MYO15A: variants seen among roughly 807,000 people sequenced by gnomAD.
MYO15A encodes the protein unconventional myosin-XV.
In MYO15A, 308 loss-of-function variants were observed where a neutral mutation model predicts 394.6. The observed-to-expected ratio is 0.78, with a 90% confidence interval of 0.71 to 0.86. The LOEUF (loss-of-function observed/expected upper bound fraction) is 0.86, where lower values mean the gene tolerates loss of function less well. Ranked by LOEUF, MYO15A falls within the 40% of genes least tolerant of loss-of-function variation. The pLI is 0.00. For missense variants in MYO15A, 4,606 were observed against 4,799.1 expected (o/e 0.96, Z 1.19); for synonymous variants, 1,957 against 2,003.8 (o/e 0.98, Z 0.62).
chr17:18,172,167 C>T lies in MYO15A; in HGVS notation c.10227C>T (p.Ser3409=), dbSNP rs199520412. The T allele has an allele frequency of 7.6e-5, 123 of 1,614,186 alleles. No individual in the cohort carries two copies. The Admixed American group carries it at 1.8e-3, about 24-fold the overall frequency. Residue 3409 remains serine (S), a synonymous_variant, in exon 64 of 66, where the codon AGC becomes AGT. Transcript: ENST00000647165. ...CCTCTCCCTGCCCAGGCCTCCTCAG[C>T]GCCTTACCTATGTTCGGCTCCTCCT... ...QARAQFLGLL[S]ALPMFGSSFF...
At position 18,132,599 on chromosome 17, in the gene MYO15A, C is replaced by T. The variant is rs775805425; in HGVS notation, c.4320+33C>T. On this transcript the variant is annotated intron_variant, in intron 11 of 65. Transcript: ENST00000647165. The surrounding 1 kb of genome is among the most constrained non-coding windows in gnomAD (Gnocchi z 4.6). Reference sequence around the variant, plus strand: ...CCAGCAGGCATCTGAAGGCCCCTGGCCCTGGTCCTCCCACCCCGACGCCCC... The same window carrying T: ...CCAGCAGGCATCTGAAGGCCCCTGGTCCTGGTCCTCCCACCCCGACGCCCC... The T allele has an allele frequency of 3.8e-6, 6 of 1,566,278 alleles. No individual in the cohort carries two copies. In the African/African-American group the frequency reaches 5.4e-5, roughly 14 times the overall value.
chr17:18,156,452 T>G, intron 48 of MYO15A, 116 bp downstream of exon 48: 27 of 1,167,200 alleles, frequency 2.3e-5, no homozygotes, highest in African/African-American at 3.0e-5. Flanking sequence ...TTAAGGCCTT[T>G]GCACTGGCTG....
Position 18,122,423 on chromosome 17 carries a change from G to C in MYO15A, c.3609+14G>C. 6.2e-7 allele frequency: 1 copy of C among 1,609,958 alleles called. No individual in the cohort carries two copies. Among genetic ancestry groups the C allele is most frequent in the Non-Finnish European group, 8.5e-7 (1 of 1,178,808 alleles). ...TGGCGGAACAAGGTATGGAGGCACAGATTACACGGAGGGTTTGAGGGTTCT... is the reference window on the plus strand; with the variant it reads ...TGGCGGAACAAGGTATGGAGGCACACATTACACGGAGGGTTTGAGGGTTCT... On this transcript the variant is annotated intron_variant, in intron 2 of 65. Transcript: ENST00000647165.
intron 23 of MYO15A, 57 bp from the exon 24 acceptor site, chr17:18,142,022 G>A (rs2046391162): frequency 1.9e-6 from 3 of 1,594,246 alleles, no homozygotes; most frequent in African/African-American, 1.3e-5. Context: ...AGAGGGAGGG[G>A]CCCTTAGTCC....
rs752930251 is a variant in MYO15A, at chr17:18,159,653, C to T, written c.9277C>T (p.Leu3093=). ...GDAPLKGQSD[L]DVLCNLLKLC... ...TGCCCCACTGAAGGGCCAGAGTGAC[C>T]TGGACGTGCTTTGTAACCTCCTGAA... Residue 3093 remains leucine (L), a synonymous_variant, in exon 55 of 66, where the codon CTG becomes TTG. Transcript: ENST00000647165. 1 of 1,614,138 alleles carries T rather than the reference C, an allele frequency of 6.2e-7. No homozygotes were observed. Among genetic ancestry groups the T allele is most frequent in the Non-Finnish European group, 8.5e-7 (1 of 1,180,018 alleles).
In MYO15A at chr17:18,159,266, C is replaced by T. The variant is rs886052682; in HGVS notation, c.9157-9C>T. 6.2e-7 allele frequency: 1 copy of T among 1,614,036 alleles called. No individual in the cohort carries two copies. Among genetic ancestry groups the T allele is most frequent in the African/African-American group, 1.3e-5 (1 of 75,024 alleles). On this transcript the variant is annotated splice_polypyrimidine_tract_variant and intron_variant, in intron 53 of 65. Coordinates refer to ENST00000647165, the MANE Select transcript of MYO15A (RefSeq NM_016239.4). The stretch of plus-strand genomic sequence containing the variant: ...TCCTCCATCATGACACAGCCCTCTT[C>T]CCCCACAGACTCCCCTCCAGGAATC...
intron 47 of MYO15A, 32 bp downstream of exon 47, chr17:18,155,464 G>T: frequency 6.3e-7 from 1 of 1,575,764 alleles, no homozygotes; most frequent in South Asian, 1.1e-5. Flanking sequence ...GGGCTGGCTG[G>T]AGACTGGGAT....
rs754334413 is a variant in MYO15A at position 18,155,182 on chromosome 17, G to A, written c.8297G>A (p.Arg2766Gln). Residue 2766 changes from arginine to glutamine, a missense_variant, in exon 46 of 66, where the codon CGA (arginine) becomes CAA (glutamine). Coordinates refer to ENST00000647165, the MANE Select transcript of MYO15A (RefSeq NM_016239.4). ...SVKRAVVSTA[R>Q]DTWEVYFSRI... ...AAGCGGGCCGTGGTCAGCACTGCAC[G>A]AGACACCTGGGAGGTCTACTTCTCC... 9.3e-6 allele frequency: 15 copies of A among 1,613,858 alleles called. No homozygotes were observed. The highest frequency in any genetic ancestry group is 8.9e-5 in the East Asian group (4 of 44,898).
Position 18,162,590 on chromosome 17 carries a change from G to T in MYO15A, c.9523G>T (p.Ala3175Ser), listed in dbSNP as rs367906164. 5.0e-6 allele frequency: 8 copies of T among 1,613,600 alleles called. No homozygotes were observed. The South Asian group carries it at 7.7e-5, about 16-fold the overall frequency. ...RTPGLPFQGIAKACEQNLQKT... is the reference protein window; with the variant it reads ...RTPGLPFQGISKACEQNLQKT... ...TGAACTCCCTGCTTCTGCAGGGATC[G>T]CCAAGGCCTGCGAGCAGAACCTGCA... Residue 3175 changes from alanine (A) to serine (S), a missense_variant, in exon 58 of 66, where the codon GCC (alanine) becomes TCC (serine). Ala to Ser is a moderately conservative substitution (Grantham distance 99). This residue lies in a region of MYO15A where 2,776 missense variants were observed against 3,109.3 expected (regional missense o/e 0.89). Transcript: ENST00000647165.
intron 64 of MYO15A, 49 bp downstream of exon 64, chr17:18,172,339 T>C (rs1214819081): frequency 6.2e-7 from 1 of 1,613,608 alleles, no homozygotes; most frequent in Non-Finnish European, 8.5e-7. Flanking sequence ...TGTTCCCTGG[T>C]CCCCAACCCC....
At chr17:18,125,274 G>A in intron 4 of MYO15A, 43 bp downstream of exon 4, 1 of 1,589,510 alleles carries the variant, frequency 6.3e-7, no homozygotes, top group South Asian at 1.1e-5. Flanking sequence ...AGGTCAGGAA[G>A]GCAGCTGCCT....
chr17:18,146,087 C>CT lies in MYO15A; in HGVS notation c.6491dup (p.Asn2165GlnfsTer10), dbSNP rs769792093. 3.1e-6 allele frequency: 5 copies of CT among 1,613,904 alleles called. No individual in the cohort carries two copies. In the African/African-American group the frequency reaches 5.3e-5, roughly 17 times the overall value. ...TCAGTGGCTTTGCACCTTCCCCGTG[C>CT]TTCAACAAGTACCTTCTCAAGTGAG... On this transcript the variant is annotated frameshift_variant, in exon 30 of 66. Transcript: ENST00000647165. LOFTEE classifies it high-confidence loss of function.
Position 18,154,732 on chromosome 17 carries a change from G to A in MYO15A, c.8201G>A (p.Arg2734Lys), listed in dbSNP as rs1335387936. Residue 2734 changes from arginine to lysine, a missense_variant, in exon 45 of 66, where the codon AGG (arginine) becomes AAG (lysine). Coordinates refer to ENST00000647165, the MANE Select transcript of MYO15A (RefSeq NM_016239.4). ...TGCCTTCGCATCTCTGAGGATGAGA[G>A]GCTCAGGATGAAGGCCTTGTTTGGT... ...EACLRISEDE[R>K]LRMKALFAQN... 2 of 1,613,796 alleles carry A rather than the reference G, an allele frequency of 1.2e-6. No homozygotes were observed. Among genetic ancestry groups the A allele is most frequent in the Admixed American group, 1.7e-5 (1 of 60,030 alleles).
intron 65 of MYO15A, chr17:18,177,114 T>A (rs1434515177): frequency 8.5e-5 from 13 of 152,302 alleles, no homozygotes; most frequent in Admixed American, 8.5e-4. Context: ...CTGGCCTGTA[T>A]GTGTCAGGGG....
intron 10 of MYO15A, among the ~76,000 whole-genome samples, chr17:18,131,878 G>A (rs943333456): frequency 1.1e-4 from 16 of 151,604 alleles, no homozygotes; most frequent in Admixed American, 5.3e-4. Flanking sequence ...ATTTAAAAAC[G>A]CAGCCCCTCT....
chr17:18,123,037 C>T (rs2045966752), intron 2 of MYO15A: 1 of 152,568 alleles, frequency 6.6e-6, no homozygotes, highest in Non-Finnish European at 1.5e-5. Flanking sequence ...GGTAGGCAGC[C>T]CTTCGGATGG....
intron 53 of MYO15A, 26 bp from the exon 54 acceptor site, chr17:18,159,249 C>T (rs555732957): frequency 1.2e-6 from 2 of 1,612,786 alleles, no homozygotes; most frequent in South Asian, 2.2e-5. Context: ...CCTCCTCCAT[C>T]ATGACACAGC....
intron 56 of MYO15A, 100 bp downstream of exon 56, chr17:18,160,117 A>C (rs1438596421): frequency 1.7e-6 from 2 of 1,154,566 alleles, no homozygotes; most frequent in Non-Finnish European, 2.5e-6. Context: ...CCCCTCCTGG[A>C]TTATCTTCCT....
chr17:18,160,052 A>C, intron 56 of MYO15A, 35 bp downstream of exon 56: 1 of 1,592,946 alleles, frequency 6.3e-7, no homozygotes, highest in Non-Finnish European at 8.5e-7. Flanking sequence ...CCATCCCCTC[A>C]CTGTGTCCAT....
Sources: allele counts gnomAD v4.1 joint callset (sites outside exome capture counted in the v4.1 genomes callset), GRCh38; gene constraint gnomAD v4.1.1; regional missense constraint gnomAD v4.1.1; non-coding constraint Gnocchi (gnomAD v3.1); transcripts MANE v1.5; gene names NCBI Gene and HGNC (gene_info 2026-07-23, HGNC 2026-07-21).